The following FBRSL1 variants were observed in gnomAD, a reference collection of about 807,000 sequenced individuals.
FBRSL1 encodes the protein fibrosin-1-like protein.
FBRSL1 carries 51 observed loss-of-function variants against 89.6 expected under a neutral mutation model. The ratio of observed to expected loss-of-function variants is 0.57; its 90% CI spans 0.45 to 0.72. The LOEUF (loss-of-function observed/expected upper bound fraction) is 0.72. FBRSL1 is among the 30% of genes least tolerant of loss of function. FBRSL1 has a pLI of 0.00. For synonymous variants in FBRSL1, 779 were observed against 681.1 expected (o/e 1.14, Z -2.24); for missense variants, 1,618 against 1,451.8 (o/e 1.11, Z -1.86).
chr12:132,574,439 A>T, intron 13 of FBRSL1, 54 bp from the exon 14 acceptor site: 1 of 1,548,366 alleles, frequency 6.5e-7, no homozygotes, highest in Admixed American at 2.0e-5. Flanking sequence ...GAGTCTGCAG[A>T]AAACATGGGT....
At chr12:132,495,728 C>T (rs1477216986) in intron 1 of FBRSL1, among the ~76,000 whole-genome samples, 1 of 152,250 alleles carries the variant, frequency 6.6e-6, no homozygotes, top group East Asian at 1.9e-4. Flanking sequence ...GGGCTGCTCC[C>T]TCCGGGGAGG....
chr12:132,541,275 A>C (rs892336633), intron 4 of FBRSL1, among the ~76,000 whole-genome samples: 9 of 152,172 alleles, frequency 5.9e-5, no homozygotes, highest in African/African-American at 2.2e-4. Context: ...GTCAGGTGCA[A>C]ATCCACTCAG....
At position 132,499,324 on chromosome 12, in the gene FBRSL1, G is replaced by A. The variant is rs2032580720; in HGVS notation, c.291+8463G>A. Among the ~76,000 whole-genome samples, 2 of 139,834 alleles carry A rather than the reference G, an allele frequency of 1.4e-5. No homozygotes were observed. The highest frequency in any genetic ancestry group is 7.0e-5 in the Admixed American group (1 of 14,192). The allele number at this position is 139,834 out of a possible 152,430, so 91.7% of individuals were successfully genotyped here. On this transcript the variant is annotated intron_variant, in intron 1 of 18. Coordinates refer to ENST00000680143, the MANE Select transcript of FBRSL1 (RefSeq NM_001367871.1). This position sits in a 1 kb window ranked among gnomAD's most constrained non-coding sequence, Gnocchi z 4.3. ...GCCAGCCAGGCAGGGGTGGTGCTGG[G>A]CAGCAGTGGTGCTGGACCTCTGGGA...
chr12:132,574,609 C>T, intron 14 of FBRSL1, 45 bp downstream of exon 14: 1 of 1,534,884 alleles, frequency 6.5e-7, no homozygotes, highest in Non-Finnish European at 8.8e-7. Context: ...AACCCGACTC[C>T]AGCCTGGTCG....
In FBRSL1 at chr12:132,570,430, G is replaced by A. The variant is rs775516121; in HGVS notation, c.1103G>A (p.Arg368Gln). The A allele has an allele frequency of 4.2e-4, 645 of 1,534,848 alleles. 2 individuals are homozygous for A. The highest frequency in any genetic ancestry group is 5.1e-4 in the Non-Finnish European group (584 of 1,145,758). ...PHLSTSHLAL[R>Q]SQAQHQLHAA... ...CTGTCTACCTCACACCTGGCGCTCC[G>A]GTCCCAGGCGCAGCACCAGCTCCAC... The change falls in exon 8 of 19, where the codon CGG (arginine) becomes CAG (glutamine). Residue 368 changes from arginine to glutamine, a missense_variant. By Grantham distance (43) the Arg-to-Gln change is conservative. Coordinates refer to ENST00000680143, the MANE Select transcript of FBRSL1 (RefSeq NM_001367871.1).
chr12:132,522,237 G>A (rs2035423239), intron 2 of FBRSL1, among the ~76,000 whole-genome samples: 1 of 152,188 alleles, frequency 6.6e-6, no homozygotes, highest in Non-Finnish European at 1.5e-5. Flanking sequence ...ACTAGAACCG[G>A]ACAGGCCAGG....
chr12:132,530,522 C>T (rs1240757078), intron 4 of FBRSL1, among the ~76,000 whole-genome samples: 2 of 152,062 alleles, frequency 1.3e-5, no homozygotes, highest in African/African-American at 4.8e-5. Flanking sequence ...CCCAGCTGGT[C>T]TGAGGTCCCC....
intron 1 of FBRSL1, among the ~76,000 whole-genome samples, chr12:132,496,448 A>G (rs1246480636): frequency 6.6e-6 from 1 of 151,186 alleles, no homozygotes; most frequent in Non-Finnish European, 1.5e-5. Flanking sequence ...TGTTTTTGTC[A>G]CTCTGGAAGC....
chr12:132,512,109 CTG>C (rs767592879), intron 2 of FBRSL1, among the ~76,000 whole-genome samples: 1 of 152,222 alleles, frequency 6.6e-6, no homozygotes, highest in Non-Finnish European at 1.5e-5. Context: ...GCCCACCCAT[CTG>C]AGGCCTGGAA....
chr12:132,555,774 A>G (rs1205466278), intron 5 of FBRSL1, among the ~76,000 whole-genome samples: 1 of 152,064 alleles, frequency 6.6e-6, no homozygotes, highest in Non-Finnish European at 1.5e-5. Context: ...TTCTCCTCAA[A>G]ATGACGCCAG....
Position 132,490,651 on chromosome 12 carries a change from C to T in FBRSL1, c.81C>T (p.Ala27=). 1.0e-6 allele frequency: 1 copy of T among 988,684 alleles called. No homozygotes were observed. Among genetic ancestry groups the T allele is most frequent in the South Asian group, 4.3e-5 (1 of 23,266 alleles). 61.2% of individuals were successfully genotyped at this position (988,684 alleles called of 1,614,324 possible). A position where few individuals can be genotyped will look rare whatever the true frequency, so the allele number is the denominator to read the frequency against. ...GGCGCCGGGAGGCCGCCCGCGACGC[C>T]CGCGCCCAGAGTCCGTCGTCGGGCG... ...RGRRREAARD[A]RAQSPSSGDE... The change falls in exon 1 of 19, where the codon GCC becomes GCT. Residue 27 remains alanine (A), a synonymous_variant. Coordinates refer to ENST00000680143, the MANE Select transcript of FBRSL1 (RefSeq NM_001367871.1).
At chr12:132,525,909 C>G in intron 3 of FBRSL1, 86 bp downstream of exon 3, 1 of 1,122,498 alleles carries the variant, frequency 8.9e-7, no homozygotes, top group Non-Finnish European at 1.3e-6. Flanking sequence ...CAGTCCGAGT[C>G]TGGGCCGCCT....
In FBRSL1 at chr12:132,509,912, G is replaced by C. The variant is rs1249530666; in HGVS notation, c.489+1562G>C. 3 of 1,231,286 alleles carry C rather than the reference G, an allele frequency of 2.4e-6. No individual in the cohort carries two copies. In the East Asian group the frequency reaches 9.5e-5, roughly 39 times the overall value. The allele number at this position is 1,231,286 out of a possible 1,614,324, so 76.3% of individuals were successfully genotyped here. ...CAGGACAGTGCTGCTGCCCCCGGCG[G>C]GCCTTCCTAGCCCCGTGTCAGTACG... On this transcript the variant is annotated intron_variant, in intron 2 of 18. Coordinates refer to ENST00000680143, the MANE Select transcript of FBRSL1 (RefSeq NM_001367871.1).
At position 132,582,286 on chromosome 12, in the gene FBRSL1, C is replaced by T. The variant is rs139578080; in HGVS notation, c.2201+20C>T. 2.6e-6 allele frequency: 4 copies of T among 1,545,172 alleles called. No individual in the cohort carries two copies. The highest frequency in any genetic ancestry group is 1.4e-5 in the African/African-American group (1 of 72,994). On this transcript the variant is annotated intron_variant, in intron 18 of 18. Coordinates refer to ENST00000680143, the MANE Select transcript of FBRSL1 (RefSeq NM_001367871.1). ...GGAACGGTGAGTGGCCCTCTTGTTCCGTATCCCCACCACACACCCCTACCC... is the reference window on the plus strand; with the variant it reads ...GGAACGGTGAGTGGCCCTCTTGTTCTGTATCCCCACCACACACCCCTACCC...
intron 1 of FBRSL1, among the ~76,000 whole-genome samples, chr12:132,497,681 C>G (rs1442057276): frequency 3.9e-5 from 6 of 152,166 alleles, no homozygotes; most frequent in Non-Finnish European, 8.8e-5. Context: ...AATCCAGGCT[C>G]TGGGCCTCGG....
intron 4 of FBRSL1, among the ~76,000 whole-genome samples, chr12:132,541,093 G>C (rs1176354451): frequency 6.9e-6 from 1 of 144,716 alleles, no homozygotes; most frequent in African/African-American, 2.6e-5. Context: ...CTGTGAGCCT[G>C]GGGGGCACAG....
At position 132,562,287 on chromosome 12, in the gene FBRSL1, C is replaced by T. The variant is rs561089501; in HGVS notation, c.646-5194C>T. Among the ~76,000 whole-genome samples the T allele has an allele frequency of 9.9e-5, 15 of 152,236 alleles. No homozygotes were observed. The South Asian group carries it at 1.9e-3, about 19-fold the overall frequency. On this transcript the variant is annotated intron_variant, in intron 5 of 18. Coordinates refer to ENST00000680143, the MANE Select transcript of FBRSL1 (RefSeq NM_001367871.1). ...CTTCCCAGGGGTGAGAGGTTCCTGT[C>T]CTTCTTTCTTTGTAACAAGCCAGGA...
Position 132,583,793 on chromosome 12 carries a change from A to G in FBRSL1, c.*15A>G. 1.7e-6 allele frequency: 2 copies of G among 1,205,870 alleles called. No homozygotes were observed. Among genetic ancestry groups the G allele is most frequent in the Non-Finnish European group, 2.1e-6 (2 of 969,644 alleles). 74.7% of individuals were successfully genotyped at this position (1,205,870 alleles called of 1,614,324 possible). A position where few individuals can be genotyped will look rare whatever the true frequency, so the allele number is the denominator to read the frequency against. On this transcript the variant is annotated 3_prime_UTR_variant, in exon 19 of 19. Transcript: ENST00000680143. ...AGGCGCGGTAGCCCCGGGGCCGCAG[A>G]CGCCTCTCCGAGCGGAGCGCACCGC...
rs367901739 is a variant in FBRSL1, at chr12:132,583,690, G to A, written c.2921G>A (p.Ser974Asn). The change falls in exon 19 of 19, where the codon AGC (serine) becomes AAC (asparagine). Residue 974 changes from serine (S) to asparagine (N), a missense_variant. By Grantham distance (46) the Ser-to-Asn change is conservative (BLOSUM62 1). Transcript: ENST00000680143. ...CCCACGCCCCCCGGGCCGCCGCGGA[G>A]CCGGACTACTCCGCTGGGGGGCCTC... The part of the protein sequence containing the change: ...GPPTPPGPPR[S>N]RTTPLGGLGP... 8.5e-7 allele frequency: 1 copy of A among 1,170,020 alleles called. No homozygotes were observed. Among genetic ancestry groups the A allele is most frequent in the South Asian group, 4.2e-5 (1 of 23,798 alleles). 72.5% of individuals were successfully genotyped at this position (1,170,020 alleles called of 1,614,324 possible). A position where few individuals can be genotyped will look rare whatever the true frequency, so the allele number is the denominator to read the frequency against.
Sources: allele counts gnomAD v4.1 joint callset (sites outside exome capture counted in the v4.1 genomes callset), GRCh38; gene constraint gnomAD v4.1.1; non-coding constraint Gnocchi (gnomAD v3.1); transcripts MANE v1.5; gene names NCBI Gene and HGNC (gene_info 2026-07-23, HGNC 2026-07-21).